The following MYH11 variants were observed in gnomAD, a reference collection of about 807,000 sequenced individuals.
The protein encoded by MYH11 is myosin heavy chain 11.
Under a neutral mutation model 246.6 loss-of-function variants are expected in MYH11, and 80 were observed. The ratio of observed to expected loss-of-function variants is 0.32; its 90% confidence interval spans 0.27 to 0.39. The LOEUF (loss-of-function observed/expected upper bound fraction) is 0.39. Ranked by LOEUF, MYH11 falls within the 10% of genes least tolerant of loss-of-function variation. The pLI, the probability that MYH11 is intolerant of heterozygous loss-of-function variation, is 1.00. For missense variants in MYH11, 2,158 were observed against 2,546.8 expected, an observed-to-expected ratio of 0.85 and a Z score of 3.29; for synonymous variants, 1,071 against 1,015.5, an observed-to-expected ratio of 1.05 and a Z score of -1.04.
At chr16:15,763,741 T>TCGGGGGCCCCCCCCCCCCCC in intron 10 of MYH11, 55 bp downstream of exon 10, 5 of 646,844 alleles carry the variant, frequency 7.7e-6, no homozygotes, top group East Asian at 6.3e-5. Flanking sequence ...AAATGTCACC[T>TCGGGGGCCCCCCCCCCCCCC]CCCCCACCCC....
At position 15,721,921 on chromosome 16, in the gene MYH11, A is replaced by G. The variant is rs150763893; in HGVS notation, c.4366-287T>C. ...CACCCAGGCTGGAGTGCAATGGTGC[A>G]GTCTTGGTTCACTGCAACCTCCGCC... On this transcript the variant is annotated intron_variant, in intron 31 of 40. Coordinates refer to ENST00000300036, the MANE Select transcript of MYH11 (RefSeq NM_002474.3). 0.026 allele frequency among the ~76,000 whole-genome samples: 4,024 copies of G among 152,068 alleles called. 180 individuals are homozygous for G. Among genetic ancestry groups the G allele is most frequent in the African/African-American group, 0.091 (3,784 of 41,472 alleles).
intron 6 of MYH11, chr16:15,779,113 C>T (rs2042290178): frequency 1.7e-6 from 1 of 574,798 alleles, no homozygotes; most frequent in Non-Finnish European, 3.1e-6. Context: ...TCCATCATGG[C>T]TATCCCTATT....
At chr16:15,736,591 T>C (rs1045258238) in intron 25 of MYH11, among the ~76,000 whole-genome samples, 1 of 152,222 alleles carries the variant, frequency 6.6e-6, no homozygotes, top group Admixed American at 6.5e-5. Flanking sequence ...CAAAGTTTTG[T>C]GAGCAGGTTC....
Position 15,724,498 on chromosome 16 carries a change from T to C in MYH11, c.4117-89A>G, listed in dbSNP as rs2040648371. On this transcript the variant is annotated intron_variant, in intron 30 of 40. Transcript: ENST00000300036. ...CACAGACTCTGAGAAGCGAAGACCA[T>C]GTCTCCTCGTTGGAGAAACCCAATA... 5.6e-6 allele frequency: 9 copies of C among 1,608,356 alleles called. No homozygotes were observed. The African/African-American group carries it at 6.7e-5, about 12-fold the overall frequency.
At chr16:15,742,211 A>C in intron 20 of MYH11, 1 of 457,738 alleles carries the variant, frequency 2.2e-6, no homozygotes, top group Non-Finnish European at 4.1e-6. Context: ...TACAAAGTGA[A>C]AGGAAAAAGT....
At chr16:15,748,022 AC>A in intron 17 of MYH11, 24 bp downstream of exon 17, 1 of 1,614,122 alleles carries the variant, frequency 6.2e-7, no homozygotes. Flanking sequence ...CCCCTGCCCT[AC>A]CTGGGCCAGA....
At chr16:15,772,641 T>C (rs2042131289) in intron 8 of MYH11, among the ~76,000 whole-genome samples, 1 of 152,200 alleles carries the variant, frequency 6.6e-6, no homozygotes, top group Admixed American at 6.5e-5. Flanking sequence ...CATTATGTAT[T>C]ACATATCATA....
At chr16:15,788,551 GAA>G (rs1311799878) in intron 4 of MYH11, among the ~76,000 whole-genome samples, 7 of 151,350 alleles carry the variant, frequency 4.6e-5, no homozygotes, top group African/African-American at 1.7e-4. Context: ...AAAAGAAAGA[GAA>G]AGAAAAAAAA....
In MYH11 at chr16:15,725,771, G is replaced by A. The variant is rs987897665; in HGVS notation, c.3859-779C>T. 17 of 398,662 alleles carry A rather than the reference G, an allele frequency of 4.3e-5. No homozygotes were observed. The Admixed American group carries it at 7.5e-4, about 18-fold the overall frequency. The allele number at this position is 398,662 out of a possible 1,614,324, so 24.7% of individuals were successfully genotyped here. On this transcript the variant is annotated intron_variant, in intron 28 of 40. Transcript: ENST00000300036. The stretch of plus-strand genomic sequence containing the variant: ...TTGGCCACGTCCCCATGAGTGGCAA[G>A]GCAGGGTAAATGGCTATGCCAAGTG...
At position 15,784,704 on chromosome 16, in the gene MYH11, A is replaced by T. The variant is rs2042428723; in HGVS notation, c.633+1926T>A. ...AACACTCTCAGTTACTCACGTAGGC[A>T]AAAGATGGGCCTTGCTGTGGTTGAA... On this transcript the variant is annotated intron_variant, in intron 5 of 40. Transcript: ENST00000300036. The T allele has an allele frequency of 3.1e-6, 5 of 1,613,966 alleles. No homozygotes were observed. In the East Asian group the frequency reaches 1.1e-4, roughly 36 times the overall value.
chr16:15,833,405 A>AAGGG (rs1415028919), intron 2 of MYH11, among the ~76,000 whole-genome samples: 3 of 151,404 alleles, frequency 2.0e-5, no homozygotes, highest in Non-Finnish European at 3.0e-5. Flanking sequence ...GGAAGGAAGG[A>AAGGG]AGGAAGGGAG....
intron 28 of MYH11, 154 bp downstream of exon 28, chr16:15,726,694 A>ACAGGGAGATCATCGCCTCTCCTC (rs2040778677): frequency 9.1e-6 from 8 of 879,078 alleles, no homozygotes; most frequent in African/African-American, 1.7e-5. Context: ...ATTTAATTGA[A>ACAGGGAGATCATCGCCTCTCCTC]CAGGGAGATC....
At chr16:15,763,738 A>AGCTGGGGGGCCCCCCCCCC in intron 10 of MYH11, 58 bp downstream of exon 10, 1 of 717,692 alleles carries the variant, frequency 1.4e-6, no homozygotes, top group Non-Finnish European at 2.6e-6. Context: ...GTTAAATGTC[A>AGCTGGGGGGCCCCCCCCCC]CCTCCCCCAC....
intron 1 of MYH11, among the ~76,000 whole-genome samples, chr16:15,849,690 G>A (rs537975846): frequency 1.3e-5 from 2 of 152,050 alleles, no homozygotes; most frequent in African/African-American, 2.4e-5. Context: ...GAGCTCAAGC[G>A]ATCTGCCTGC....
At chr16:15,741,275 G>T in intron 22 of MYH11, 188 bp downstream of exon 22, 1 of 696,696 alleles carries the variant, frequency 1.4e-6, no homozygotes, top group Non-Finnish European at 2.6e-6. Flanking sequence ...CAATAGAACA[G>T]AGTGGGCTCA....
In MYH11 at chr16:15,753,511, G is replaced by A. The variant is rs113416226; in HGVS notation, c.1750-3C>T. 3 of 1,611,332 alleles carry A rather than the reference G, an allele frequency of 1.9e-6. No homozygotes were observed. The highest frequency in any genetic ancestry group is 2.5e-6 in the Non-Finnish European group (3 of 1,177,432). ...CAGGCACTCGCATTATAGTCCACCTGCCAAGGACACCCTGCTGGTCAGAAC... is the reference window on the plus strand; with the variant it reads ...CAGGCACTCGCATTATAGTCCACCTACCAAGGACACCCTGCTGGTCAGAAC... On this transcript the variant is annotated splice_polypyrimidine_tract_variant and splice_region_variant and intron_variant, in intron 14 of 40. Coordinates refer to ENST00000300036, the MANE Select transcript of MYH11 (RefSeq NM_002474.3).
At chr16:15,706,121 C>T (rs1195620829) in intron 40 of MYH11, among the ~76,000 whole-genome samples, 2 of 151,930 alleles carry the variant, frequency 1.3e-5, no homozygotes, top group African/African-American at 4.8e-5. Flanking sequence ...AAGGATGGGA[C>T]TTCCCGCAGT....
intron 2 of MYH11, among the ~76,000 whole-genome samples, chr16:15,823,893 C>G (rs1171940144): frequency 1.3e-5 from 2 of 152,108 alleles, no homozygotes; most frequent in Admixed American, 6.6e-5. Context: ...TCCCAAAGCA[C>G]TGGGATTATA....
chr16:15,837,299 C>T (rs2043922358), intron 2 of MYH11, among the ~76,000 whole-genome samples: 1 of 152,144 alleles, frequency 6.6e-6, no homozygotes, highest in South Asian at 2.1e-4. Context: ...GGACAGAGAA[C>T]GATGCCAATG....
Sources: allele counts gnomAD v4.1 joint callset (sites outside exome capture counted in the v4.1 genomes callset), GRCh38; gene constraint gnomAD v4.1.1; transcripts MANE v1.5; gene names NCBI Gene and HGNC (gene_info 2026-07-23, HGNC 2026-07-21).